The following STK31 variants were observed in gnomAD, a reference collection of about 807,000 sequenced individuals.
STK31 encodes serine/threonine-protein kinase 31.
In STK31, 89 loss-of-function variants were observed where a neutral mutation model predicts 129.7. The ratio of observed to expected loss-of-function variants is 0.69; its 90% CI spans 0.58 to 0.82. The LOEUF (loss-of-function observed/expected upper bound fraction) is 0.82. Ranked by LOEUF, STK31 falls within the 40% of genes least tolerant of loss-of-function variation. The probability of loss-of-function intolerance (pLI) is 0.00; values close to 1 mark genes in which losing one functional copy is unlikely to be tolerated. For synonymous variants in STK31, 448 were observed against 395.3 expected (o/e 1.13, Z -1.58); for missense variants, 1,187 against 1,176.4 (o/e 1.01, Z -0.13).
At position 23,727,289 on chromosome 7, in the gene STK31, G is replaced by A; in HGVS notation, c.298G>A (p.Val100Ile). 1.9e-6 allele frequency: 3 copies of A among 1,613,484 alleles called. No homozygotes were observed. Among genetic ancestry groups the A allele is most frequent in the Non-Finnish European group, 2.5e-6 (3 of 1,179,734 alleles). The change falls in exon 5 of 24, where the codon GTA (valine) becomes ATA (isoleucine). Residue 100 changes from valine to isoleucine, a missense_variant. By Grantham distance (29) the Val-to-Ile change is conservative. This residue lies in a region of STK31 where 103 missense variants were observed against 110.4 expected (regional missense o/e 0.93). Coordinates refer to ENST00000355870, the MANE Select transcript of STK31 (RefSeq NM_031414.5). ...AGATCAGTGTTGGTACAGATGCAAA[G>A]TACTGAAAATCATCAGCGTTGAAAA... ...SEDQCWYRCK[V>I]LKIISVEKCL...
At chr7:23,760,806 T>C (rs1789416875) in intron 10 of STK31, among the ~76,000 whole-genome samples, 1 of 150,488 alleles carries the variant, frequency 6.6e-6, no homozygotes, top group African/African-American at 2.4e-5. Flanking sequence ...CTACAGGCGG[T>C]GTACTACCAA....
At position 23,770,532 on chromosome 7, in the gene STK31, G is replaced by C. The variant is rs530281509; in HGVS notation, c.1714-473G>C. Among the ~76,000 whole-genome samples the C allele has an allele frequency of 5.3e-5, 8 of 152,228 alleles. No homozygotes were observed. The East Asian group carries it at 1.5e-3, about 29-fold the overall frequency. ...TATAGTTCTTATATTTAGCATATTA[G>C]TATCCCTGATTTCCATTAATGCTCT... On this transcript the variant is annotated intron_variant, in intron 13 of 23. Coordinates refer to ENST00000355870, the MANE Select transcript of STK31 (RefSeq NM_031414.5).
At chr7:23,755,430 T>G (rs1399100284) in intron 10 of STK31, among the ~76,000 whole-genome samples, 2 of 151,870 alleles carry the variant, frequency 1.3e-5, no homozygotes, top group Non-Finnish European at 2.9e-5. Flanking sequence ...AAAATTTTCT[T>G]CTGTTCAGGA....
chr7:23,739,025 T>A (rs1787891518), intron 8 of STK31, among the ~76,000 whole-genome samples: 1 of 152,222 alleles, frequency 6.6e-6, no homozygotes, highest in Admixed American at 6.5e-5. Flanking sequence ...TGGTATTTCT[T>A]GTTCTAGATC....
At chr7:23,732,906 A>C (rs1235840122) in intron 6 of STK31, among the ~76,000 whole-genome samples, 1 of 152,196 alleles carries the variant, frequency 6.6e-6, no homozygotes, top group Non-Finnish European at 1.5e-5. Flanking sequence ...AAAGAGGTTA[A>C]CTGGAAAACT....
At chr7:23,712,061 G>A (rs1156355095) in intron 1 of STK31, 38 bp from the exon 2 acceptor site, 2 of 1,506,476 alleles carry the variant, frequency 1.3e-6, no homozygotes, top group African/African-American at 1.4e-5. Flanking sequence ...CATTATTAAT[G>A]GTGGATTATT....
At position 23,710,579 on chromosome 7, in the gene STK31, C is replaced by T. The variant is rs1314102145; in HGVS notation, c.50+244C>T. ...TCTCCATGAAGACGCGGTCACGCAGCCTCCACACTCTCTTCCCCTTCTCGA... is the reference window on the plus strand; with the variant it reads ...TCTCCATGAAGACGCGGTCACGCAGTCTCCACACTCTCTTCCCCTTCTCGA... On this transcript the variant is annotated intron_variant, in intron 1 of 23. Transcript: ENST00000355870. 28 of 1,365,830 alleles carry T rather than the reference C, an allele frequency of 2.1e-5. No homozygotes were observed. In the South Asian group the frequency reaches 3.7e-4, roughly 18 times the overall value. The allele number at this position is 1,365,830 out of a possible 1,614,324, so 84.6% of individuals were successfully genotyped here.
intron 8 of STK31, among the ~76,000 whole-genome samples, chr7:23,749,311 G>A (rs1026263451): frequency 1.3e-5 from 2 of 150,376 alleles, no homozygotes; most frequent in African/African-American, 4.9e-5. Flanking sequence ...CCTAGAGTAT[G>A]CCTTGTAATT....
intron 23 of STK31, among the ~76,000 whole-genome samples, chr7:23,827,242 C>T (rs541900397): frequency 3.3e-5 from 5 of 152,296 alleles, no homozygotes; most frequent in East Asian, 1.9e-4. Flanking sequence ...ACCAATTAGA[C>T]GTAGATTTGG....
intron 18 of STK31, among the ~76,000 whole-genome samples, chr7:23,786,271 A>C (rs912909086): frequency 2.0e-5 from 3 of 152,092 alleles, no homozygotes; most frequent in Non-Finnish European, 4.4e-5. Context: ...TAATAAGATA[A>C]TTAATTTGGC....
At chr7:23,723,902 T>C (rs1336218941) in intron 4 of STK31, among the ~76,000 whole-genome samples, 1 of 151,988 alleles carries the variant, frequency 6.6e-6, no homozygotes. Flanking sequence ...GAATTAAGAG[T>C]CCTTTATTTA....
At chr7:23,815,123 C>T in intron 22 of STK31, 21 bp from the exon 23 acceptor site, 2 of 1,576,010 alleles carry the variant, frequency 1.3e-6, no homozygotes, top group Non-Finnish European at 1.7e-6. Context: ...GACATTTATT[C>T]ATTCTTACTT....
intron 22 of STK31, among the ~76,000 whole-genome samples, chr7:23,813,724 T>C (rs1258719295): frequency 6.6e-6 from 1 of 152,164 alleles, no homozygotes; most frequent in Non-Finnish European, 1.5e-5. Flanking sequence ...TGCTTCTAAG[T>C]ATGGGAATGG....
At chr7:23,750,217 A>G (rs1031201142) in intron 8 of STK31, among the ~76,000 whole-genome samples, 1 of 151,724 alleles carries the variant, frequency 6.6e-6, no homozygotes, top group African/African-American at 2.4e-5. Flanking sequence ...GGAGCTTTCA[A>G]CTCTCAGTCG....
chr7:23,712,234 T>A lies in STK31; in HGVS notation c.98T>A (p.Val33Glu), dbSNP rs762614470. ...QMDEDTHYDK[V>E]EDVVGSHIED... ...TCCTTGTATTGTGATTTGATTTTAG[T>A]GGAAGATGTGGTTGGAAGTCACATA... The change falls in exon 3 of 24, where the codon GTG becomes GAG. Residue 33 changes from valine to glutamate, a missense_variant and splice_region_variant. Physicochemically the swap from Val to Glu is moderately radical, Grantham distance 121. Transcript: ENST00000355870. 3.1e-6 allele frequency: 5 copies of A among 1,614,072 alleles called. No individual in the cohort carries two copies. The highest frequency in any genetic ancestry group is 4.2e-6 in the Non-Finnish European group (5 of 1,179,982).
chr7:23,798,965 C>G (rs937625085), intron 22 of STK31, among the ~76,000 whole-genome samples: 7 of 151,976 alleles, frequency 4.6e-5, no homozygotes, highest in African/African-American at 1.5e-4. Context: ...GACAAAGAGC[C>G]AAATCATGAG....
In STK31 at chr7:23,712,214, G is replaced by C; in HGVS notation, c.98-20G>C. 6.2e-7 allele frequency: 1 copy of C among 1,614,028 alleles called. No homozygotes were observed. Among genetic ancestry groups the C allele is most frequent in the Non-Finnish European group, 8.5e-7 (1 of 1,179,956 alleles). ...TACTGATTAATTTCTAATTTTCCTT[G>C]TATTGTGATTTGATTTTAGTGGAAG... On this transcript the variant is annotated intron_variant, in intron 2 of 23. Transcript: ENST00000355870.
chr7:23,793,243 T>A (rs1167302702), intron 22 of STK31, among the ~76,000 whole-genome samples: 1 of 152,164 alleles, frequency 6.6e-6, no homozygotes, highest in African/African-American at 2.4e-5. Context: ...TGCACAAAAA[T>A]TAGCTCAAAA....
chr7:23,756,972 C>G (rs1164715384), intron 10 of STK31, among the ~76,000 whole-genome samples: 1 of 151,890 alleles, frequency 6.6e-6, no homozygotes, highest in Admixed American at 6.6e-5. Context: ...GTGTCTTTTC[C>G]CGGTTTGGGT....
Sources: gnomAD v4.1 joint callset for allele counts (sites outside exome capture counted in the v4.1 genomes callset) on GRCh38, gnomAD v4.1.1 for gene constraint, gnomAD v4.1.1 regional missense constraint, MANE v1.5 for transcripts, NCBI Gene and HGNC (gene_info 2026-07-23, HGNC 2026-07-21) for gene names.